Variants in DST observed in about 807,000 individuals in gnomAD.
The protein encoded by DST is dystonin.
DST carries 253 observed loss-of-function variants against 875.2 expected under a neutral mutation model. The ratio of observed to expected loss-of-function variants is 0.29; its 90% CI spans 0.26 to 0.32. The LOEUF is 0.32. Among genes scored for constraint, DST ranks in the 10% least tolerant of loss-of-function variants. DST has a pLI of 1.00. For synonymous variants in DST, 3,124 were observed against 3,197.1 expected, an observed-to-expected ratio of 0.98 and a Z score of 0.77; for missense variants, 8,287 against 9,111.6, an observed-to-expected ratio of 0.91 and a Z score of 3.68.
intron 47 of DST, among the ~76,000 whole-genome samples, chr6:56,596,594 G>A (rs181489535): frequency 7.9e-5 from 12 of 152,138 alleles, no homozygotes; most frequent in African/African-American, 2.4e-4. Flanking sequence ...ATAATAGCCC[G>A]TTAAAATTGT....
rs369094577 is a variant in DST at position 56,631,938 on chromosome 6, G to C, written c.3908C>G (p.Thr1303Ser). Residue 1303 changes from threonine (T) to serine (S), a missense_variant, in exon 29 of 104, where the codon ACT (threonine) becomes AGT (serine). Physicochemically the swap from Thr to Ser is moderately conservative, Grantham distance 58. This residue lies in a region of DST where 3,138 missense variants were observed against 3,116.6 expected (regional missense o/e 1.01). Transcript: ENST00000680361. ...CEDRLIRQIR[T>S]PLERDDLHES... Reference sequence around the variant, plus strand: ...ATGCAAATCATCTCTTTCCAGGGGAGTTCGAATCTGTCTAATCAGCCGATC... The same window carrying C: ...ATGCAAATCATCTCTTTCCAGGGGACTTCGAATCTGTCTAATCAGCCGATC... 2.5e-6 allele frequency: 4 copies of C among 1,613,910 alleles called. No homozygotes were observed. The highest frequency in any genetic ancestry group is 3.4e-6 in the Non-Finnish European group (4 of 1,179,870).
At chr6:56,758,118 T>A (rs970984518) in intron 4 of DST, among the ~76,000 whole-genome samples, 11 of 152,198 alleles carry the variant, frequency 7.2e-5, no homozygotes, top group African/African-American at 2.4e-4. Context: ...CCCCATATCC[T>A]TGTATCCTTC....
chr6:56,642,627 T>C (rs1311283295), intron 15 of DST, 124 bp from the exon 16 acceptor site: 3 of 1,613,992 alleles, frequency 1.9e-6, no homozygotes, highest in Non-Finnish European at 2.5e-6. Context: ...AATACCTGTG[T>C]CCATCAAAGG....
At chr6:56,874,214 C>G (rs1778660904) in intron 3 of DST, among the ~76,000 whole-genome samples, 1 of 152,104 alleles carries the variant, frequency 6.6e-6, no homozygotes. Flanking sequence ...TGGGTCACAC[C>G]TGTAATCCCA....
chr6:56,863,547 A>T (rs1005493638), intron 3 of DST, among the ~76,000 whole-genome samples: 1 of 152,098 alleles, frequency 6.6e-6, no homozygotes, highest in Non-Finnish European at 1.5e-5. Context: ...CATCATGTAC[A>T]CTTAGGATCT....
chr6:56,606,939 T>A lies in DST; in HGVS notation c.7689A>T (p.Pro2563=). ...CAATGGCATTATCAGTATCACCCCC[T>A]GGAGTCACAGCACAGGAATACTCTT... The part of the protein sequence containing the change: ...EIEEYSCAVT[P]GGDTDNAIVS... Residue 2563 remains proline (P), a synonymous_variant, in exon 40 of 104, where the codon CCA becomes CCT. Coordinates refer to ENST00000680361, the MANE Select transcript of DST (RefSeq NM_001374736.1). 1 of 1,613,462 alleles carries A rather than the reference T, an allele frequency of 6.2e-7. No individual in the cohort carries two copies. The highest frequency in any genetic ancestry group is 8.5e-7 in the Non-Finnish European group (1 of 1,179,570).
chr6:56,463,194 C>T (rs756353920), intron 101 of DST, 38 bp from the exon 102 acceptor site: 4 of 1,270,734 alleles, frequency 3.1e-6, no homozygotes, highest in Middle Eastern at 1.9e-4. Context: ...AAAAGGATAG[C>T]AGATAAAAAA....
chr6:56,470,404 CT>C (rs1562199589), intron 95 of DST, 122 bp from the exon 96 acceptor site: 2 of 754,984 alleles, frequency 2.6e-6, no homozygotes, highest in Non-Finnish European at 3.9e-6. Context: ...TATTAAAATC[CT>C]TTTTTAAAAA....
intron 24 of DST, 140 bp downstream of exon 24, chr6:56,635,449 C>T (rs1002220001): frequency 2.3e-6 from 2 of 863,002 alleles, no homozygotes; most frequent in African/African-American, 3.4e-5. Context: ...CAAAAGAATA[C>T]TAAAACTGAA....
chr6:56,504,639 T>C (rs2096253400), intron 77 of DST, among the ~76,000 whole-genome samples: 1 of 152,184 alleles, frequency 6.6e-6, no homozygotes, highest in African/African-American at 2.4e-5. Flanking sequence ...GCATTTCTTA[T>C]TTATTTAGGT....
chr6:56,840,327 G>C (rs1435934740), intron 4 of DST, among the ~76,000 whole-genome samples: 1 of 151,950 alleles, frequency 6.6e-6, no homozygotes, highest in Non-Finnish European at 1.5e-5. Flanking sequence ...TGTATTACAC[G>C]GTATATACAC....
chr6:56,778,794 T>C (rs1447308052), intron 4 of DST, among the ~76,000 whole-genome samples: 2 of 152,046 alleles, frequency 1.3e-5, no homozygotes, highest in East Asian at 1.9e-4. Context: ...TGTTGGACAT[T>C]TGGCTTGGTT....
intron 4 of DST, among the ~76,000 whole-genome samples, chr6:56,837,915 G>T (rs540889888): frequency 7.4e-5 from 11 of 148,996 alleles, no homozygotes; most frequent in African/African-American, 2.5e-4. Flanking sequence ...TGCATTAAAG[G>T]ACAAGCAGAA....
intron 35 of DST, among the ~76,000 whole-genome samples, 200 bp downstream of exon 35, chr6:56,624,957 C>T (rs62412523): frequency 7.7e-4 from 117 of 151,690 alleles, no homozygotes; most frequent in African/African-American, 2.4e-3. Flanking sequence ...TTTGGGATGA[C>T]GAAAAGGTTC....
intron 10 of DST, among the ~76,000 whole-genome samples, chr6:56,659,073 A>G (rs2152809551): frequency 6.6e-6 from 1 of 152,344 alleles, no homozygotes; most frequent in East Asian, 1.9e-4. Context: ...AAGGAGGATT[A>G]GAAGAGATTA....
Position 56,673,691 on chromosome 6 carries a change from T to A in DST, c.1048-2884A>T, listed in dbSNP as rs148166695. On this transcript the variant is annotated intron_variant, in intron 9 of 103. Coordinates refer to ENST00000680361, the MANE Select transcript of DST (RefSeq NM_001374736.1). The stretch of plus-strand genomic sequence containing the variant: ...AAATACAATTTCAGACTGTTATACA[T>A]ACACACACTATTAAAAAGCGATAAT... Among the ~76,000 whole-genome samples the A allele has an allele frequency of 3.6e-4, 55 of 152,346 alleles. No individual in the cohort carries two copies. In the East Asian group the frequency reaches 0.01, roughly 28 times the overall value.
At chr6:56,895,901 C>T (rs1238032478) in intron 3 of DST, among the ~76,000 whole-genome samples, 22 of 38,166 alleles carry the variant, frequency 5.8e-4, no homozygotes, top group Admixed American at 8.9e-4. Flanking sequence ...CCTGCAATCG[C>T]AGGCACTCGG....
chr6:56,608,100 G>C lies in DST; in HGVS notation c.6528C>G (p.Tyr2176Ter). The C allele has an allele frequency of 6.2e-7, 1 of 1,613,666 alleles. No individual in the cohort carries two copies. Among genetic ancestry groups the C allele is most frequent in the Non-Finnish European group, 8.5e-7 (1 of 1,179,736 alleles). ...CATCAAAAACATCCTCTTCTTGTCTGTAATCATGAACTGTGGAGGGTTGAA... is the reference window on the plus strand; with the variant it reads ...CATCAAAAACATCCTCTTCTTGTCTCTAATCATGAACTGTGGAGGGTTGAA... Reference protein sequence around the residue: ...CKFQPSTVHDYRQEEDVFDGE... With the variant: ...CKFQPSTVHD Residue 2176 changes from tyrosine (Y) to a stop codon, truncating the protein, a stop_gained, in exon 40 of 104, where the codon TAC becomes TAG. Coordinates refer to ENST00000680361, the MANE Select transcript of DST (RefSeq NM_001374736.1). LOFTEE classifies it high-confidence loss of function.
chr6:56,536,524 G>T (rs891340364), intron 62 of DST, among the ~76,000 whole-genome samples: 30 of 152,140 alleles, frequency 2.0e-4, no homozygotes, highest in African/African-American at 7.2e-4. Context: ...CTGCACTGTT[G>T]TATCTGTGAC....
Sources: allele counts gnomAD v4.1 joint callset (sites outside exome capture counted in the v4.1 genomes callset), GRCh38; gene constraint gnomAD v4.1.1; regional missense constraint gnomAD v4.1.1; transcripts MANE v1.5; gene names NCBI Gene and HGNC (gene_info 2026-07-23, HGNC 2026-07-21).